EEIG1: variants seen among roughly 807,000 people sequenced by gnomAD.
EEIG1 encodes estrogen-induced osteoclastogenesis regulator 1.
At chr9:127,948,862 G>A in the EEIG1 span, among the ~76,000 whole-genome samples, 1 of 152,212 alleles carries the variant, frequency 6.6e-6, no homozygotes, top group Non-Finnish European at 1.5e-5. Context: ...GTGAAAGTCT[G>A]ATGAAAAAGC....
the EEIG1 span, among the ~76,000 whole-genome samples, chr9:127,971,512 G>C: frequency 3.0e-5 from 4 of 134,710 alleles, no homozygotes; most frequent in East Asian, 1.0e-3. Context: ...TCCTGACACA[G>C]ACTGACACCT....
At chr9:127,957,019 C>T in the EEIG1 span, among the ~76,000 whole-genome samples, 1 of 152,162 alleles carries the variant, frequency 6.6e-6, no homozygotes, top group East Asian at 1.9e-4. Context: ...TGGCCTCATA[C>T]ATGATTACAG....
chr9:127,963,505 G>A, the EEIG1 span, among the ~76,000 whole-genome samples: 1 of 152,264 alleles, frequency 6.6e-6, no homozygotes, highest in South Asian at 2.1e-4. Flanking sequence ...GGCGGGACAA[G>A]CCCTGCACCC....
the EEIG1 span, among the ~76,000 whole-genome samples, chr9:127,974,407 G>A: frequency 0.013 from 1,993 of 152,154 alleles, 52 homozygotes; most frequent in African/African-American, 0.046. Context: ...CCAGCTCCTC[G>A]CCTGACCCTG....
chr9:127,948,280 AC>A, the EEIG1 span: 48 of 1,612,672 alleles, frequency 3.0e-5, no homozygotes, highest in Non-Finnish European at 8.5e-7. Flanking sequence ...CCAGATGAAA[AC>A]AGAGGACACC....
At chr9:127,968,078 G>A in the EEIG1 span, among the ~76,000 whole-genome samples, 4 of 150,870 alleles carry the variant, frequency 2.7e-5, no homozygotes, top group African/African-American at 9.8e-5. Context: ...GGGATTACAG[G>A]TGTGAGCCAC....
chr9:127,946,657 T>C, the EEIG1 span, among the ~76,000 whole-genome samples: 1 of 152,198 alleles, frequency 6.6e-6, no homozygotes, highest in Non-Finnish European at 1.5e-5. Context: ...ATCTCTCTTC[T>C]GGGGAACCCC....
the EEIG1 span, among the ~76,000 whole-genome samples, chr9:127,964,900 G>A: frequency 3.9e-5 from 6 of 151,974 alleles, no homozygotes; most frequent in African/African-American, 7.3e-5. Flanking sequence ...TCAGGAGTTC[G>A]GGACCAGCCT....
chr9:127,979,776 G>A, the EEIG1 span, among the ~76,000 whole-genome samples: 2 of 152,224 alleles, frequency 1.3e-5, no homozygotes, highest in Non-Finnish European at 2.9e-5. Flanking sequence ...CCCAAGAGAA[G>A]GCTGAAAGAC....
At chr9:127,944,816 C>T in the EEIG1 span, 25 of 1,612,138 alleles carry the variant, frequency 1.6e-5, no homozygotes, top group East Asian at 2.0e-4. Context: ...TGGCTCTGCA[C>T]GATCTTCTCC....
the EEIG1 span, among the ~76,000 whole-genome samples, chr9:127,947,523 G>A: frequency 1.3e-5 from 2 of 152,160 alleles, no homozygotes; most frequent in African/African-American, 4.8e-5. Context: ...TCCCCAAAGT[G>A]ACCTGGGATG....
chr9:127,961,577 C>A, the EEIG1 span, among the ~76,000 whole-genome samples: 1 of 152,204 alleles, frequency 6.6e-6, no homozygotes, highest in Non-Finnish European at 1.5e-5. Context: ...CTTCAAGGGG[C>A]TTATACTCTG....
chr9:127,953,169 G>A, the EEIG1 span: 1 of 196,244 alleles, frequency 5.1e-6, no homozygotes, highest in Non-Finnish European at 1.0e-5. Flanking sequence ...ATGCACTTCA[G>A]TACACACAGA....
chr9:127,974,936 C>T, the EEIG1 span, among the ~76,000 whole-genome samples: 1 of 152,228 alleles, frequency 6.6e-6, no homozygotes, highest in Admixed American at 6.5e-5. Context: ...ATCTAAGAAT[C>T]CCATCGAACC....
chr9:127,965,499 G>A, the EEIG1 span, among the ~76,000 whole-genome samples: 3 of 152,148 alleles, frequency 2.0e-5, no homozygotes, highest in African/African-American at 7.2e-5. Flanking sequence ...CTGGGTTCCT[G>A]ACAGTGCTGG....
the EEIG1 span, chr9:127,945,455 C>T: frequency 6.4e-7 from 1 of 1,562,932 alleles, no homozygotes; most frequent in Non-Finnish European, 8.7e-7. This position sits in a 1 kb window ranked among gnomAD's most constrained non-coding sequence, Gnocchi z 6.5. Context: ...CCCTCAGGGC[C>T]CTCCACGGTC....
chr9:127,951,768 G>GATCGC, the EEIG1 span, among the ~76,000 whole-genome samples: 1 of 141,034 alleles, frequency 7.1e-6, no homozygotes, highest in East Asian at 2.0e-4. Flanking sequence ...AGTGAGCCGA[G>GATCGC]ATCGCGCCAC....
At chr9:127,971,624 G>A in the EEIG1 span, among the ~76,000 whole-genome samples, 5 of 152,272 alleles carry the variant, frequency 3.3e-5, no homozygotes, top group South Asian at 1.0e-3. Flanking sequence ...AGAGCCAGGG[G>A]AGAAAAGCCC....
chr9:127,953,977 G>A, the EEIG1 span: 2 of 1,606,312 alleles, frequency 1.2e-6, no homozygotes, highest in South Asian at 1.1e-5. Context: ...CGCGCCAGGG[G>A]ACTCCATGTG....
Sources: gnomAD v4.1 joint callset for allele counts (sites outside exome capture counted in the v4.1 genomes callset) on GRCh38, gnomAD v4.1.1 for gene constraint, Gnocchi (gnomAD v3.1) non-coding constraint, MANE v1.5 for transcripts, NCBI Gene and HGNC (gene_info 2026-07-23, HGNC 2026-07-21) for gene names.